The following ANOS1 variants were observed in gnomAD, a reference collection of about 807,000 sequenced individuals.
ANOS1 encodes the protein anosmin 1.
A neutral mutation model predicts 59.0 loss-of-function variants in ANOS1; 6 were observed. The ratio of observed to expected loss-of-function variants is 0.10; its 90% CI spans 0.06 to 0.20. The LOEUF is 0.20. Among genes scored for constraint, ANOS1 ranks in the 10% least tolerant of loss-of-function variants. The pLI is 1.00. For missense variants in ANOS1, 433 were observed against 542.3 expected, an observed-to-expected ratio of 0.80 and a Z score of 2.00; for synonymous variants, 217 against 223.4, an observed-to-expected ratio of 0.97 and a Z score of 0.25.
intron 9 of ANOS1, among the ~76,000 whole-genome samples, chrX:8,548,585 T>C (rs1365331685): frequency 1.8e-5 from 2 of 112,435 alleles, no homozygotes; most frequent in Non-Finnish European, 3.8e-5. Context: ...GAACAAATCC[T>C]GACATGTCAC....
intron 1 of ANOS1, among the ~76,000 whole-genome samples, chrX:8,714,504 A>G (rs1932830648): frequency 8.9e-6 from 1 of 111,829 alleles, no homozygotes; most frequent in South Asian, 3.8e-4. Context: ...CATTAAAAAA[A>G]AATCTAATTG....
At chrX:8,691,275 T>C (rs1165451234) in intron 2 of ANOS1, among the ~76,000 whole-genome samples, 1 of 110,572 alleles carries the variant, frequency 9.0e-6, no homozygotes, top group Non-Finnish European at 1.9e-5. Context: ...GGTTTCACCA[T>C]GTTGGCCAGG....
In ANOS1 at chrX:8,610,040, A is replaced by AAC. The variant is rs1569062448; in HGVS notation, c.319-12786_319-12785dup. 1.5e-3 allele frequency among the ~76,000 whole-genome samples: 69 copies of AAC among 46,018 alleles called. 5 individuals are homozygous for AAC. Among genetic ancestry groups the AAC allele is most frequent in the African/African-American group, 5.7e-3 (67 of 11,772 alleles). The allele number at this position is 46,018 out of a possible 115,157, so 40.0% of individuals were successfully genotyped here. On this transcript the variant is annotated intron_variant, in intron 3 of 13. Coordinates refer to ENST00000262648, the MANE Select transcript of ANOS1 (RefSeq NM_000216.4). ...AAAAAAAAAAAAAAAAAAAAACAAC[A>AAC]ACCTTTAAAGAGCACCCATTTTTCT...
At position 8,594,654 on chromosome X, in the gene ANOS1, A is replaced by ATG. The variant is rs1245128075; in HGVS notation, c.541+2378_541+2379dup. On this transcript the variant is annotated intron_variant, in intron 4 of 13. Transcript: ENST00000262648. Reference sequence around the variant, plus strand: ...AGAAAAAAAATCTACATATATATATATGTGTATATATATATATATATATAT... The same window carrying ATG: ...AGAAAAAAAATCTACATATATATATATGTGTGTATATATATATATATATATAT... 4.3e-3 allele frequency among the ~76,000 whole-genome samples: 130 copies of ATG among 30,257 alleles called. 2 individuals carry two copies. The highest frequency in any genetic ancestry group is 0.016 in the African/African-American group (102 of 6,393). The allele number at this position is 30,257 out of a possible 115,157, so 26.3% of individuals were successfully genotyped here.
intron 3 of ANOS1, among the ~76,000 whole-genome samples, chrX:8,607,491 C>G (rs1930962403): frequency 8.9e-6 from 1 of 111,740 alleles, no homozygotes. Context: ...CCTGGCCTGG[C>G]TCTTCTATTT....
At chrX:8,729,750 C>T (rs1278701628) in intron 1 of ANOS1, among the ~76,000 whole-genome samples, 4 of 94,014 alleles carry the variant, frequency 4.3e-5, no homozygotes, top group Non-Finnish European at 8.3e-5. Flanking sequence ...GGAAGGCAAG[C>T]GGTGGGGAAC....
intron 2 of ANOS1, among the ~76,000 whole-genome samples, chrX:8,646,555 T>C (rs1023939627): frequency 9.0e-6 from 1 of 111,118 alleles, no homozygotes; most frequent in African/African-American, 3.3e-5. Flanking sequence ...GCTTCATGTA[T>C]TTTGTAGATT....
chrX:8,613,749 T>A (rs1314970407), intron 3 of ANOS1, among the ~76,000 whole-genome samples: 1 of 111,883 alleles, frequency 8.9e-6, no homozygotes, highest in African/African-American at 3.3e-5. Context: ...CAAGCAATCC[T>A]CCTGCCCCAG....
At chrX:8,724,652 C>A (rs1478710954) in intron 1 of ANOS1, among the ~76,000 whole-genome samples, 1 of 112,345 alleles carries the variant, frequency 8.9e-6, no homozygotes, top group South Asian at 3.7e-4. Flanking sequence ...AAGCTATTAG[C>A]AGCTGATACA....
At chrX:8,552,254 G>C (rs1433500840) in intron 9 of ANOS1, among the ~76,000 whole-genome samples, 1 of 112,206 alleles carries the variant, frequency 8.9e-6, no homozygotes, top group East Asian at 2.8e-4. Context: ...CTACTGGTGA[G>C]AATGTAAATT....
At chrX:8,688,593 C>T (rs1052160358) in intron 2 of ANOS1, among the ~76,000 whole-genome samples, 4 of 112,277 alleles carry the variant, frequency 3.6e-5, no homozygotes, top group African/African-American at 6.5e-5. Flanking sequence ...AAGACTTACA[C>T]GGAGGTGCAT....
chrX:8,539,683 G>A lies in ANOS1; in HGVS notation c.1430C>T (p.Ala477Val), dbSNP rs369537824. ...CAHNRTTGSE[A>V]SSGMTHENYI... The stretch of plus-strand genomic sequence containing the variant: ...CCTTACGTGGGTCATGCCAGATGAT[G>A]CCTCTGATCCGGTTGTTCTGTTGTG... Residue 477 changes from alanine to valine, a missense_variant, in exon 10 of 14, where the codon GCA (alanine) becomes GTA (valine). Physicochemically the swap from Ala to Val is moderately conservative, Grantham distance 64. Transcript: ENST00000262648. The A allele has an allele frequency of 4.9e-5, 59 of 1,209,631 alleles. No individual in the cohort carries two copies. In the African/African-American group the frequency reaches 8.9e-4, roughly 18 times the overall value.
At chrX:8,622,570 C>T (rs754413361) in intron 3 of ANOS1, among the ~76,000 whole-genome samples, 8 of 111,774 alleles carry the variant, frequency 7.2e-5, no homozygotes, top group South Asian at 3.8e-4. Context: ...ATTCTGATGT[C>T]GGGGGCACCT....
chrX:8,695,148 C>T (rs1319067386), intron 2 of ANOS1, among the ~76,000 whole-genome samples: 1 of 111,329 alleles, frequency 9.0e-6, no homozygotes, highest in East Asian at 2.9e-4. Flanking sequence ...CCCATCTCTA[C>T]TAAAAATACA....
intron 2 of ANOS1, among the ~76,000 whole-genome samples, chrX:8,666,268 TG>T (rs934718149): frequency 2.5e-4 from 28 of 111,591 alleles, no homozygotes; most frequent in Non-Finnish European, 4.9e-4. Context: ...TAATCTTTGA[TG>T]TATATTTACC....
rs763919354 is a variant in ANOS1 at position 8,636,230 on chromosome X, TG to T, written c.256-12561del. On this transcript the variant is annotated intron_variant, in intron 2 of 13. Coordinates refer to ENST00000262648, the MANE Select transcript of ANOS1 (RefSeq NM_000216.4). ...CACATCTCCTAAGAAAACATTTGAT[TG>T]GTAGTCCTGGAGAACCATGTCAATC... 4.5e-5 allele frequency among the ~76,000 whole-genome samples: 5 copies of T among 111,712 alleles called. No individual in the cohort carries two copies. In the Admixed American group the frequency reaches 4.8e-4, roughly 11 times the overall value.
intron 3 of ANOS1, among the ~76,000 whole-genome samples, chrX:8,622,240 C>A (rs983453734): frequency 1.8e-5 from 2 of 111,694 alleles, no homozygotes; most frequent in African/African-American, 3.3e-5. Flanking sequence ...GTCTGAGGAG[C>A]CTCAACTTCC....
chrX:8,554,597 C>A (rs893129668), intron 8 of ANOS1, among the ~76,000 whole-genome samples: 2 of 82,554 alleles, frequency 2.4e-5, no homozygotes, highest in Admixed American at 1.8e-4. Flanking sequence ...TAGATGGAGT[C>A]TCGCTCTGTC....
chrX:8,648,115 G>A (rs924203778), intron 2 of ANOS1, among the ~76,000 whole-genome samples: 6 of 111,979 alleles, frequency 5.4e-5, no homozygotes, highest in African/African-American at 1.3e-4. Flanking sequence ...ACTAATCTTC[G>A]TAGTGGAAAA....
Sources: allele counts gnomAD v4.1 joint callset (sites outside exome capture counted in the v4.1 genomes callset), GRCh38; gene constraint gnomAD v4.1.1; transcripts MANE v1.5; gene names NCBI Gene and HGNC (gene_info 2026-07-23, HGNC 2026-07-21).